Variants in PRPSAP2 observed in about 807,000 individuals in gnomAD.
PRPSAP2 encodes phosphoribosyl pyrophosphate synthase-associated protein 2.
Under a neutral mutation model 40.6 loss-of-function variants are expected in PRPSAP2, and 24 were observed. The observed-to-expected ratio is 0.59, with a 90% CI of 0.43 to 0.83. The LOEUF (loss-of-function observed/expected upper bound fraction) is 0.83, where lower values mean the gene tolerates loss of function less well. Ranked by LOEUF, PRPSAP2 falls within the 40% of genes least tolerant of loss-of-function variation. PRPSAP2 has a pLI of 0.00. For synonymous variants in PRPSAP2, 149 were observed against 164.7 expected (o/e 0.90, Z 0.73); for missense variants, 292 against 465.6 (o/e 0.63, Z 3.43).
intron 8 of PRPSAP2, among the ~76,000 whole-genome samples, chr17:18,909,165 G>A (rs577467155): frequency 6.6e-6 from 1 of 151,782 alleles, no homozygotes; most frequent in South Asian, 2.1e-4. Flanking sequence ...TGGTGAAGAT[G>A]TGGAGGAACT....
At chr17:18,863,595 C>G (rs556282086) in intron 1 of PRPSAP2, among the ~76,000 whole-genome samples, 1 of 151,856 alleles carries the variant, frequency 6.6e-6, no homozygotes, top group Non-Finnish European at 1.5e-5. Context: ...TGCAGTGGCG[C>G]GATCTTGGCT....
At chr17:18,922,872 G>A (rs995034915) in intron 9 of PRPSAP2, among the ~76,000 whole-genome samples, 12 of 150,252 alleles carry the variant, frequency 8.0e-5, no homozygotes, top group Middle Eastern at 7.0e-3. Flanking sequence ...ACAGGGTTTC[G>A]CCATGTTGCT....
chr17:18,914,249 CTTTTTTTT>C (rs60892883), intron 9 of PRPSAP2, among the ~76,000 whole-genome samples: 61 of 48,108 alleles, frequency 1.3e-3, no homozygotes, highest in African/African-American at 3.7e-3. Flanking sequence ...CATGTTTTTG[CTTTTTTTT>C]TTTTTTTTTT....
intron 6 of PRPSAP2, among the ~76,000 whole-genome samples, chr17:18,881,793 A>G (rs2038767049): frequency 6.6e-6 from 1 of 151,438 alleles, no homozygotes; most frequent in Non-Finnish European, 1.5e-5. Context: ...CTTGGCCTTC[A>G]AAGTGCTAGG....
At chr17:18,924,652 C>G (rs557350992) in intron 10 of PRPSAP2, among the ~76,000 whole-genome samples, 1 of 151,672 alleles carries the variant, frequency 6.6e-6, no homozygotes, top group Non-Finnish European at 1.5e-5. Flanking sequence ...ACCTGCAGTC[C>G]CAGCTACTTG....
At chr17:18,882,828 A>G in intron 7 of PRPSAP2, 145 bp downstream of exon 7, 1 of 592,454 alleles carries the variant, frequency 1.7e-6, no homozygotes, top group Non-Finnish European at 3.0e-6. Flanking sequence ...AATCCAACGC[A>G]TTTTAGAATT....
upstream of PRPSAP2, chr17:18,858,104 C>CCCCGCCCCG (rs1168751702): frequency 6.6e-6 from 1 of 152,112 alleles, no homozygotes; most frequent in African/African-American, 2.4e-5. Flanking sequence ...CTAGTCCCGC[C>CCCCGCCCCG]CTCGCCCCTC....
intron 3 of PRPSAP2, among the ~76,000 whole-genome samples, chr17:18,866,970 C>G (rs12937933): frequency 0.53 from 80,668 of 151,460 alleles, 21,740 homozygotes; most frequent in Middle Eastern, 0.59. Flanking sequence ...ACAGCAGATT[C>G]CAAGCCTCTG....
At position 18,930,636 on chromosome 17, in the gene PRPSAP2, C is replaced by T. The variant is rs201454078; in HGVS notation, c.1048C>T (p.Arg350Cys). ...DISMILSEAI[R>C]RIHNGESMSY... ...CAGCATGATCCTTTCAGAGGCGATC[C>T]GTCGGATCCACAATGGGGAGTCCAT... The change falls in exon 12 of 12, where the codon CGT becomes TGT. Residue 350 changes from arginine to cysteine, a missense_variant. This residue lies in a region of PRPSAP2 where 241 missense variants were observed against 425.7 expected (regional missense o/e 0.57). Coordinates refer to ENST00000268835, the MANE Select transcript of PRPSAP2 (RefSeq NM_002767.4). 26 of 1,613,772 alleles carry T rather than the reference C, an allele frequency of 1.6e-5. No homozygotes were observed. The highest frequency in any genetic ancestry group is 2.2e-5 in the East Asian group (1 of 44,876).
chr17:18,929,509 A>G (rs947028330), intron 11 of PRPSAP2: 15 of 152,006 alleles, frequency 9.9e-5, no homozygotes, highest in African/African-American at 3.6e-4. Flanking sequence ...GTCACTTCAC[A>G]TTTTCTCTCA....
chr17:18,922,670 T>TAA, intron 9 of PRPSAP2, among the ~76,000 whole-genome samples: 8 of 89,226 alleles, frequency 9.0e-5, no homozygotes, highest in African/African-American at 3.5e-4. Flanking sequence ...TATATATAAT[T>TAA]TTTTTTTTTT....
At chr17:18,856,989 A>G (rs1331941982), upstream of PRPSAP2, among the ~76,000 whole-genome samples, 1 of 152,198 alleles carries the variant, frequency 6.6e-6, no homozygotes, top group Non-Finnish European at 1.5e-5. Context: ...TACCAAAAGT[A>G]CTAATTCCTT....
At chr17:18,864,330 G>C (rs1162088165) in intron 1 of PRPSAP2, among the ~76,000 whole-genome samples, 1 of 150,214 alleles carries the variant, frequency 6.7e-6, no homozygotes, top group Non-Finnish European at 1.5e-5. Context: ...GTCTCGCTCT[G>C]TTGCCCAGGC....
At chr17:18,895,895 G>T (rs2039881958) in intron 8 of PRPSAP2, among the ~76,000 whole-genome samples, 1 of 151,924 alleles carries the variant, frequency 6.6e-6, no homozygotes, top group African/African-American at 2.4e-5. Context: ...CCAAAATGCT[G>T]GGATTACAGG....
intron 8 of PRPSAP2, chr17:18,908,614 G>A: frequency 1.4e-6 from 1 of 723,280 alleles, no homozygotes; most frequent in Non-Finnish European, 2.6e-6. Flanking sequence ...CATGGGTAGT[G>A]ACCATGCCTG....
chr17:18,900,017 G>C (rs1957759211), intron 8 of PRPSAP2, among the ~76,000 whole-genome samples: 2 of 152,194 alleles, frequency 1.3e-5, no homozygotes. Flanking sequence ...CTCCTGAGGA[G>C]CTGGGATTAC....
intron 8 of PRPSAP2, among the ~76,000 whole-genome samples, chr17:18,907,227 C>T (rs1030358462): frequency 6.6e-6 from 1 of 152,044 alleles, no homozygotes; most frequent in Admixed American, 6.6e-5. Flanking sequence ...AAGAGTAAGA[C>T]TCAGCATGGC....
intron 9 of PRPSAP2, among the ~76,000 whole-genome samples, chr17:18,919,132 A>G (rs533595706): frequency 6.6e-6 from 1 of 152,210 alleles, no homozygotes; most frequent in South Asian, 2.1e-4. Context: ...GTGGAAGGCT[A>G]AGGTGGAAGG....
At chr17:18,859,986 T>G (rs1160872120) in intron 1 of PRPSAP2, among the ~76,000 whole-genome samples, 3 of 152,186 alleles carry the variant, frequency 2.0e-5, no homozygotes, top group Non-Finnish European at 4.4e-5. Context: ...CCTTGTGATC[T>G]GCCTGCCTTG....
Sources: gnomAD v4.1 joint callset for allele counts (sites outside exome capture counted in the v4.1 genomes callset) on GRCh38, gnomAD v4.1.1 for gene constraint, gnomAD v4.1.1 regional missense constraint, MANE v1.5 for transcripts, NCBI Gene and HGNC (gene_info 2026-07-23, HGNC 2026-07-21) for gene names.